DCC: variants seen among roughly 807,000 people sequenced by gnomAD.
The protein encoded by DCC is netrin receptor DCC.
DCC carries 58 observed loss-of-function variants against 172.5 expected under a neutral mutation model. The observed-to-expected ratio is 0.34, with a 90% CI of 0.27 to 0.42. DCC has a LOEUF of 0.42. Among genes scored for constraint, DCC ranks in the 10% least tolerant of loss-of-function variants. The pLI, the probability that DCC is intolerant of heterozygous loss-of-function variation, is 1.00. For missense variants in DCC, 1,740 were observed against 1,791.0 expected (o/e 0.97, Z 0.51); for synonymous variants, 709 against 644.5 (o/e 1.10, Z -1.52).
In DCC at chr18:53,305,800, G is replaced by A; in HGVS notation, c.2053+81G>A. ...AATAAAATATAGTCTCACTCCAAAG[G>A]AACATTGATTTTCTTCCTGGCATCC... On this transcript the variant is annotated intron_variant, in intron 13 of 28. Coordinates refer to ENST00000442544, the MANE Select transcript of DCC (RefSeq NM_005215.4). 2.1e-6 allele frequency: 3 copies of A among 1,454,488 alleles called. No homozygotes were observed. The South Asian group carries it at 3.4e-5, about 17-fold the overall frequency. The allele number at this position is 1,454,488 out of a possible 1,614,324, so 90.1% of individuals were successfully genotyped here. A position where few individuals can be genotyped will look rare whatever the true frequency, so the allele number is the denominator to read the frequency against.
At chr18:53,182,158 T>C (rs1227319439) in intron 9 of DCC, among the ~76,000 whole-genome samples, 1 of 152,218 alleles carries the variant, frequency 6.6e-6, no homozygotes, top group African/African-American at 2.4e-5. Flanking sequence ...ACATGCTGAT[T>C]GTTGGTATTG....
intron 1 of DCC, among the ~76,000 whole-genome samples, chr18:52,429,999 A>T (rs1987568150): frequency 6.6e-6 from 1 of 152,148 alleles, no homozygotes; most frequent in Non-Finnish European, 1.5e-5. Flanking sequence ...AGTAGGAGAA[A>T]GATACAAGCT....
intron 19 of DCC, among the ~76,000 whole-genome samples, chr18:53,406,581 G>C (rs1308112080): frequency 1.3e-5 from 2 of 151,774 alleles, no homozygotes; most frequent in Admixed American, 6.6e-5. Flanking sequence ...GCAGATGCCT[G>C]TAATCCCAGC....
At chr18:53,353,073 T>C (rs1004700193) in intron 15 of DCC, among the ~76,000 whole-genome samples, 2 of 152,034 alleles carry the variant, frequency 1.3e-5, no homozygotes, top group African/African-American at 4.8e-5. Context: ...AATATGTGAG[T>C]TCGAGACTGG....
At chr18:53,464,979 CAAAAAAAA>C (rs71179510) in intron 24 of DCC, among the ~76,000 whole-genome samples, 4 of 54,840 alleles carry the variant, frequency 7.3e-5, no homozygotes, top group Non-Finnish European at 1.5e-4. Context: ...AACTCAATCT[CAAAAAAAA>C]AAAAAAAAAA....
intron 2 of DCC, among the ~76,000 whole-genome samples, chr18:52,873,265 A>G (rs899061157): frequency 6.6e-6 from 1 of 152,134 alleles, no homozygotes. Flanking sequence ...CTCCCAGTAA[A>G]CAGTGTACAG....
At chr18:52,984,843 T>C (rs1346532429) in intron 5 of DCC, among the ~76,000 whole-genome samples, 3 of 152,128 alleles carry the variant, frequency 2.0e-5, no homozygotes, top group Non-Finnish European at 4.4e-5. Context: ...AAATAGATTA[T>C]CTACTTTTAG....
At chr18:53,323,250 A>G (rs562223895) in intron 14 of DCC, among the ~76,000 whole-genome samples, 6 of 151,870 alleles carry the variant, frequency 4.0e-5, no homozygotes, top group African/African-American at 1.2e-4. Flanking sequence ...CCTCCATCTC[A>G]TTCTCTTTCT....
chr18:52,787,181 T>G (rs2037675824), intron 2 of DCC, among the ~76,000 whole-genome samples: 2 of 151,976 alleles, frequency 1.3e-5, no homozygotes, highest in African/African-American at 4.8e-5. Context: ...TTTAACTTTC[T>G]GAGTACAGTC....
rs144304798 is a variant in DCC, at chr18:52,519,104, A to G, written c.91+178226A>G. On this transcript the variant is annotated intron_variant, in intron 1 of 28. Coordinates refer to ENST00000442544, the MANE Select transcript of DCC (RefSeq NM_005215.4). Reference sequence around the variant, plus strand: ...TTAGATGATTAGATCTTTCTGAATGACAACTTTTCTATTTATTAGCTCTGC... The same window carrying G: ...TTAGATGATTAGATCTTTCTGAATGGCAACTTTTCTATTTATTAGCTCTGC... Among the ~76,000 whole-genome samples, 517 of 152,326 alleles carry G rather than the reference A, an allele frequency of 3.4e-3. 10 individuals are homozygous for G. Among genetic ancestry groups the G allele is most frequent in the African/African-American group, 0.012 (485 of 41,570 alleles).
At chr18:52,377,751 G>C (rs1025913837) in intron 1 of DCC, among the ~76,000 whole-genome samples, 3 of 148,064 alleles carry the variant, frequency 2.0e-5, no homozygotes, top group Non-Finnish European at 1.5e-5. Context: ...CCAGGATAAA[G>C]GGTAAAGTGC....
At chr18:53,318,230 C>A (rs1039462148) in intron 13 of DCC, among the ~76,000 whole-genome samples, 2 of 152,098 alleles carry the variant, frequency 1.3e-5, no homozygotes, top group African/African-American at 2.4e-5. Context: ...GCCTTAATTT[C>A]TTTATTTACC....
chr18:53,239,345 A>G (rs989032727), intron 12 of DCC, among the ~76,000 whole-genome samples: 7 of 152,154 alleles, frequency 4.6e-5, no homozygotes, highest in Non-Finnish European at 8.8e-5. Flanking sequence ...GGTTCCTCCC[A>G]GGTAGATCAT....
chr18:52,586,983 G>A (rs953500767), intron 1 of DCC, among the ~76,000 whole-genome samples: 1 of 152,206 alleles, frequency 6.6e-6, no homozygotes, highest in Non-Finnish European at 1.5e-5. Flanking sequence ...GGAATACCAT[G>A]ACAGTGGGTA....
chr18:53,454,897 A>G (rs1184306120), intron 23 of DCC, among the ~76,000 whole-genome samples: 1 of 152,088 alleles, frequency 6.6e-6, no homozygotes, highest in Non-Finnish European at 1.5e-5. Flanking sequence ...TCTTAATTCC[A>G]TCTCAGAATT....
chr18:52,400,860 G>T (rs149921301), intron 1 of DCC, among the ~76,000 whole-genome samples: 5 of 151,790 alleles, frequency 3.3e-5, no homozygotes, highest in African/African-American at 1.2e-4. Context: ...ACCAAACACC[G>T]CATGTTCTCA....
At chr18:52,639,529 A>G (rs1219753105) in intron 1 of DCC, among the ~76,000 whole-genome samples, 2 of 152,160 alleles carry the variant, frequency 1.3e-5, no homozygotes, top group East Asian at 3.9e-4. Context: ...TACTATGAAC[A>G]CCTTTATGCA....
intron 3 of DCC, among the ~76,000 whole-genome samples, chr18:52,923,052 C>T (rs1360248582): frequency 6.6e-6 from 1 of 152,026 alleles, no homozygotes. Flanking sequence ...ATGCAGAGAC[C>T]TTCACTGACC....
chr18:53,400,723 C>A (rs913043409), intron 18 of DCC, among the ~76,000 whole-genome samples: 1 of 152,128 alleles, frequency 6.6e-6, no homozygotes, highest in Non-Finnish European at 1.5e-5. Context: ...AGAGCTTGCA[C>A]AGCACCTGAA....
Sources: gnomAD v4.1 joint callset for allele counts (sites outside exome capture counted in the v4.1 genomes callset) on GRCh38, gnomAD v4.1.1 for gene constraint, MANE v1.5 for transcripts, NCBI Gene and HGNC (gene_info 2026-07-23, HGNC 2026-07-21) for gene names.